CADM1: variants seen among roughly 807,000 people sequenced by gnomAD.
CADM1 encodes cell adhesion molecule 1, also known as TSLC-1.
A neutral mutation model predicts 53.1 loss-of-function variants in CADM1; 15 were observed. That is an observed-to-expected ratio of 0.28 (90% CI 0.19 to 0.44). CADM1 has a LOEUF of 0.44. CADM1 is among the 20% of genes least tolerant of loss of function. The pLI, the probability that CADM1 is intolerant of heterozygous loss-of-function variation, is 1.00. For missense variants in CADM1, 434 were observed against 611.3 expected (o/e 0.71, Z 3.06); for synonymous variants, 281 against 243.0 (o/e 1.16, Z -1.45).
intron 10 of CADM1, among the ~76,000 whole-genome samples, chr11:115,189,250 G>A (rs759400457): frequency 3.9e-5 from 6 of 152,290 alleles, no homozygotes; most frequent in African/African-American, 7.2e-5. Flanking sequence ...CTGACATGGC[G>A]CAGTGCTGAG....
rs71066411 is a variant in CADM1, at chr11:115,259,290, C to CTTTTTTT, written c.125-18877_125-18871dup. Among the ~76,000 whole-genome samples, 23 of 55,088 alleles carry CTTTTTTT rather than the reference C, an allele frequency of 4.2e-4. 1 individual carries two copies. Among genetic ancestry groups the CTTTTTTT allele is most frequent in the South Asian group, 7.7e-4 (1 of 1,300 alleles). The allele number at this position is 55,088 out of a possible 152,430, so 36.1% of individuals were successfully genotyped here. On this transcript the variant is annotated intron_variant, in intron 1 of 11. Coordinates refer to ENST00000331581, the MANE Select transcript of CADM1 (RefSeq NM_001301043.2). ...CGTGCGCCACCGCACCCAGTCTTAA[C>CTTTTTTT]TTTTTTTTTTTTTTTTTTTTTTTTT...
At chr11:115,341,849 C>T (rs1053998729) in intron 1 of CADM1, among the ~76,000 whole-genome samples, 1 of 152,284 alleles carries the variant, frequency 6.6e-6, no homozygotes, top group African/African-American at 2.4e-5. Flanking sequence ...GCTGAAATAA[C>T]TGTCAACTCT....
intron 1 of CADM1, among the ~76,000 whole-genome samples, chr11:115,404,501 A>G (rs1264317941): frequency 1.3e-5 from 2 of 149,106 alleles, no homozygotes; most frequent in Non-Finnish European, 3.0e-5. Flanking sequence ...TGACCTCAGA[A>G]GTAGGAAAGG....
At chr11:115,475,885 T>C (rs1196541829) in intron 1 of CADM1, among the ~76,000 whole-genome samples, 1 of 152,188 alleles carries the variant, frequency 6.6e-6, no homozygotes, top group Non-Finnish European at 1.5e-5. Flanking sequence ...TACAATTCTA[T>C]GCATGTGTCA....
At chr11:115,376,758 C>T (rs1946448372) in intron 1 of CADM1, among the ~76,000 whole-genome samples, 1 of 152,132 alleles carries the variant, frequency 6.6e-6, no homozygotes, top group African/African-American at 2.4e-5. Flanking sequence ...TTGTCTGAAG[C>T]AGGTACCACT....
chr11:115,345,969 T>A (rs1334718006), intron 1 of CADM1, among the ~76,000 whole-genome samples: 1 of 152,230 alleles, frequency 6.6e-6, no homozygotes, highest in Non-Finnish European at 1.5e-5. Context: ...GTTTCCAGGA[T>A]GTCTTTTCTT....
chr11:115,400,657 G>A (rs1230868612), intron 1 of CADM1, among the ~76,000 whole-genome samples: 4 of 82,290 alleles, frequency 4.9e-5, no homozygotes, highest in South Asian at 4.0e-4. Context: ...GTGTGTGTGT[G>A]TGTGTATATA....
chr11:115,409,126 G>A (rs1292075994), intron 1 of CADM1, among the ~76,000 whole-genome samples: 1 of 152,172 alleles, frequency 6.6e-6, no homozygotes, highest in East Asian at 1.9e-4. Flanking sequence ...ATCCACCTGT[G>A]CAGGAGACTT....
intron 1 of CADM1, among the ~76,000 whole-genome samples, chr11:115,442,232 G>T (rs958770821): frequency 6.6e-6 from 1 of 151,540 alleles, no homozygotes; most frequent in Non-Finnish European, 1.5e-5. Context: ...ACATCACAGA[G>T]AATAATAAAT....
chr11:115,306,340 T>C (rs924902814), intron 1 of CADM1, among the ~76,000 whole-genome samples: 4 of 151,976 alleles, frequency 2.6e-5, no homozygotes, highest in Non-Finnish European at 5.9e-5. Context: ...TGTAGTAGAC[T>C]ACACCATCTA....
chr11:115,238,797 C>T (rs984598183), intron 2 of CADM1, 145 bp from the exon 3 acceptor site: 1 of 807,208 alleles, frequency 1.2e-6, no homozygotes, highest in South Asian at 1.5e-5. Flanking sequence ...AGACAAATAA[C>T]CTTGTCCAAA....
chr11:115,364,589 G>T (rs1946111592), intron 1 of CADM1, among the ~76,000 whole-genome samples: 2 of 151,724 alleles, frequency 1.3e-5, no homozygotes, highest in African/African-American at 4.8e-5. Flanking sequence ...AACTTGTTTA[G>T]CAGGGACCAC....
chr11:115,185,897 G>A (rs781748699), intron 10 of CADM1, among the ~76,000 whole-genome samples: 3 of 152,196 alleles, frequency 2.0e-5, no homozygotes, highest in Non-Finnish European at 4.4e-5. Context: ...GGGGTGTGAG[G>A]AGGATGGATT....
chr11:115,258,993 C>CT (rs565534099), intron 1 of CADM1, among the ~76,000 whole-genome samples: 40 of 147,370 alleles, frequency 2.7e-4, no homozygotes, highest in African/African-American at 4.7e-4. Context: ...AACTTTCCAA[C>CT]TTTTTTTTTT....
intron 1 of CADM1, among the ~76,000 whole-genome samples, chr11:115,452,328 T>G (rs1330661716): frequency 6.6e-6 from 1 of 152,124 alleles, no homozygotes; most frequent in Non-Finnish European, 1.5e-5. Flanking sequence ...ACCTATAAAA[T>G]CCATTTGAAT....
Position 115,240,263 on chromosome 11 carries a change from T to C in CADM1, c.271+11A>G, listed in dbSNP as rs371173283. On this transcript the variant is annotated intron_variant, in intron 2 of 11. Transcript: ENST00000331581. The stretch of plus-strand genomic sequence containing the variant: ...AAGTTGCCATCTACAACTATAGAGA[T>C]GGAAACTTACGCCTGAAGTCCCTGA... 1.0e-4 allele frequency: 164 copies of C among 1,613,148 alleles called. No individual in the cohort carries two copies. Among genetic ancestry groups the C allele is most frequent in the Non-Finnish European group, 1.3e-4 (154 of 1,179,664 alleles).
chr11:115,424,766 T>A (rs1019137788), intron 1 of CADM1, among the ~76,000 whole-genome samples: 35 of 152,242 alleles, frequency 2.3e-4, no homozygotes, highest in Admixed American at 2.1e-3. Context: ...CCTCAAATGA[T>A]CTGCCCACCT....
In CADM1 at chr11:115,173,932, TA is replaced by T; in HGVS notation, c.*2541del. 4.1e-6 allele frequency: 4 copies of T among 967,534 alleles called. No homozygotes were observed. The highest frequency in any genetic ancestry group is 4.9e-6 in the Non-Finnish European group (4 of 813,684). The allele number at this position is 967,534 out of a possible 1,614,324, so 59.9% of individuals were successfully genotyped here. On this transcript the variant is annotated 3_prime_UTR_variant, in exon 12 of 12. Transcript: ENST00000331581. ...AAACAAGTTTGTTCTTTCTTCACTCTAAAAAAAGTGATCAACCTGTACAAAG... is the reference window on the plus strand; with the variant it reads ...AAACAAGTTTGTTCTTTCTTCACTCTAAAAAAGTGATCAACCTGTACAAAG...
chr11:115,308,985 C>T (rs749444917), intron 1 of CADM1, among the ~76,000 whole-genome samples: 7 of 152,054 alleles, frequency 4.6e-5, no homozygotes, highest in Non-Finnish European at 7.4e-5. Flanking sequence ...TAGAGATTTG[C>T]TTCTACAAAC....
Sources: allele counts gnomAD v4.1 joint callset (sites outside exome capture counted in the v4.1 genomes callset), GRCh38; gene constraint gnomAD v4.1.1; transcripts MANE v1.5; gene names NCBI Gene and HGNC (gene_info 2026-07-23, HGNC 2026-07-21).